CLUAP1: variants seen among roughly 807,000 people sequenced by gnomAD.
The protein encoded by CLUAP1 is intraflagellar transport 38, also known as clusterin-associated protein 1.
Under a neutral mutation model 55.0 loss-of-function variants are expected in CLUAP1, and 50 were observed. The observed-to-expected ratio is 0.91, with a 90% confidence interval of 0.72 to 1.15. The LOEUF (loss-of-function observed/expected upper bound fraction) is 1.15. Among genes scored for constraint, CLUAP1 ranks in the 50% most tolerant of loss-of-function variants. The probability of loss-of-function intolerance (pLI) is 0.00; values close to 1 mark genes in which losing one functional copy is unlikely to be tolerated. For synonymous variants in CLUAP1, 195 were observed against 175.4 expected (o/e 1.11, Z -0.88); for missense variants, 530 against 507.6 (o/e 1.04, Z -0.42).
At position 3,526,474 on chromosome 16, in the gene CLUAP1, C is replaced by T; in HGVS notation, c.918C>T (p.Leu306=). The part of the protein sequence containing the change: ...NKLKEEEKRL[L]KSGSNDDSDI... ...TCAAGGAGGAAGAGAAGCGCCTGCT[C>T]AAGAGTGGAAGTAAGGCTGGGCTTC... is the stretch of plus-strand genomic sequence containing the variant. Residue 306 remains leucine, a synonymous_variant, in exon 9 of 12, where the codon CTC becomes CTT. Transcript: ENST00000576634. 1 of 1,606,448 alleles carries T rather than the reference C, an allele frequency of 6.2e-7. No homozygotes were observed. Among genetic ancestry groups the T allele is most frequent in the Non-Finnish European group, 8.5e-7 (1 of 1,177,750 alleles).
In CLUAP1 at chr16:3,519,891, C is replaced by T. The variant is rs2037799955; in HGVS notation, c.580-12C>T. On this transcript the variant is annotated splice_polypyrimidine_tract_variant and intron_variant, in intron 6 of 11. Coordinates refer to ENST00000576634, the MANE Select transcript of CLUAP1 (RefSeq NM_015041.3). ...ATTGCCACCTTGTCTCATTATTTCCCATTAAATATAGACACAGGTTCAGAA... is the reference window on the plus strand; with the variant it reads ...ATTGCCACCTTGTCTCATTATTTCCTATTAAATATAGACACAGGTTCAGAA... 1.3e-6 allele frequency: 2 copies of T among 1,577,190 alleles called. No individual in the cohort carries two copies. Among genetic ancestry groups the T allele is most frequent in the Non-Finnish European group, 1.7e-6 (2 of 1,167,958 alleles).
the CLUAP1 span, chr16:3,495,555 C>T: frequency 6.7e-7 from 1 of 1,487,938 alleles, no homozygotes. Context: ...AGACTCCCAG[C>T]CTTCCTGGAC....
rs1157900944 is a variant in CLUAP1, at chr16:3,537,679, A to T, written c.*1408A>T. ...GTGAGACCCTGTCTTTAAAAAAAAGAAAAAGAAAAGCACGCTGCTTGTAAA... is the reference window on the plus strand; with the variant it reads ...GTGAGACCCTGTCTTTAAAAAAAAGTAAAAGAAAAGCACGCTGCTTGTAAA... On this transcript the variant is annotated 3_prime_UTR_variant, in exon 12 of 12. Transcript: ENST00000576634. 6.6e-6 allele frequency: 1 copy of T among 151,548 alleles called. No individual in the cohort carries two copies. Among genetic ancestry groups the T allele is most frequent in the East Asian group, 1.9e-4 (1 of 5,148 alleles). The allele number at this position is 151,548 out of a possible 1,614,324, so 9.4% of individuals were successfully genotyped here.
intron 11 of CLUAP1, chr16:3,534,772 T>C (rs989365728): frequency 1.3e-5 from 2 of 152,278 alleles, no homozygotes; most frequent in East Asian, 1.9e-4. Context: ...TGGGGCCGAC[T>C]TGACAAAGGG....
At chr16:3,500,413 A>G (rs1304844831), upstream of CLUAP1, among the ~76,000 whole-genome samples, 2 of 137,878 alleles carry the variant, frequency 1.5e-5, no homozygotes, top group Non-Finnish European at 3.0e-5. Context: ...CTCTGTCGCC[A>G]GGCCGAAGGG....
At chr16:3,510,821 G>C (rs1365318032) in intron 4 of CLUAP1, among the ~76,000 whole-genome samples, 2 of 152,258 alleles carry the variant, frequency 1.3e-5, no homozygotes, top group African/African-American at 2.4e-5. Flanking sequence ...TACTGAAGCA[G>C]AGAAGGTTCT....
rs1054815048 is a variant in CLUAP1, at chr16:3,538,142, A to G, written c.*1871A>G. The G allele has an allele frequency of 6.6e-6, 1 of 152,072 alleles. No individual in the cohort carries two copies. The highest frequency in any genetic ancestry group is 2.4e-5 in the African/African-American group (1 of 41,422). The allele number at this position is 152,072 out of a possible 1,614,324, so 9.4% of individuals were successfully genotyped here. A position where few individuals can be genotyped will look rare whatever the true frequency, so the allele number is the denominator to read the frequency against. ...TTTAACACCATACTTCATATTATTA[A>G]ATAGGTTTTACTTAAAAATATAATT... On this transcript the variant is annotated 3_prime_UTR_variant, in exon 12 of 12. Coordinates refer to ENST00000576634, the MANE Select transcript of CLUAP1 (RefSeq NM_015041.3).
intron 11 of CLUAP1, chr16:3,535,371 C>A (rs2038209956): frequency 6.6e-6 from 1 of 152,224 alleles, no homozygotes; most frequent in Non-Finnish European, 1.5e-5. Context: ...GGTGGGATTA[C>A]CTTTGGGGTT....
chr16:3,537,874 C>T lies in CLUAP1; in HGVS notation c.*1603C>T, dbSNP rs1215989849. The T allele has an allele frequency of 6.6e-6, 1 of 151,708 alleles. No individual in the cohort carries two copies. The highest frequency in any genetic ancestry group is 1.9e-4 in the East Asian group (1 of 5,170). The allele number at this position is 151,708 out of a possible 1,614,324, so 9.4% of individuals were successfully genotyped here. ...ATTAGCCGGGCGTGGTAGCGCATGC[C>T]TGTAACCCCAGCTACTGGGGAGGCT... On this transcript the variant is annotated 3_prime_UTR_variant, in exon 12 of 12. Transcript: ENST00000576634.
At chr16:3,513,610 C>G (rs141791421) in intron 5 of CLUAP1, among the ~76,000 whole-genome samples, 4 of 151,980 alleles carry the variant, frequency 2.6e-5, no homozygotes, top group African/African-American at 7.2e-5. Flanking sequence ...TCACCACACC[C>G]GGCTAATTTT....
intron 6 of CLUAP1, 81 bp downstream of exon 6, chr16:3,515,672 C>A: frequency 5.3e-6 from 5 of 936,380 alleles, no homozygotes; most frequent in Admixed American, 3.0e-5. Context: ...CAAGACAGAA[C>A]AAGCTAGGCT....
intron 6 of CLUAP1, among the ~76,000 whole-genome samples, chr16:3,518,063 T>C (rs2037762900): frequency 6.6e-6 from 1 of 152,144 alleles, no homozygotes; most frequent in Non-Finnish European, 1.5e-5. Flanking sequence ...TGTGGGGATG[T>C]AGGAGAAAGT....
chr16:3,523,027 A>G, intron 7 of CLUAP1, 131 bp from the exon 8 acceptor site: 1 of 619,576 alleles, frequency 1.6e-6, no homozygotes, highest in Non-Finnish European at 2.5e-6. Flanking sequence ...TTTAAGCATT[A>G]CAAGAATGAA....
chr16:3,511,369 G>A (rs1233892756), intron 4 of CLUAP1, among the ~76,000 whole-genome samples: 1 of 152,208 alleles, frequency 6.6e-6, no homozygotes, highest in Non-Finnish European at 1.5e-5. Flanking sequence ...AGAAGCCTGT[G>A]CACAGGGCTC....
At chr16:3,504,510 C>T (rs997157023) in intron 1 of CLUAP1, among the ~76,000 whole-genome samples, 12 of 152,208 alleles carry the variant, frequency 7.9e-5, no homozygotes, top group Non-Finnish European at 1.6e-4. Context: ...ATCTACTTCT[C>T]CCATTGAACT....
At position 3,537,284 on chromosome 16, in the gene CLUAP1, A is replaced by G. The variant is rs536524852; in HGVS notation, c.*1013A>G. On this transcript the variant is annotated 3_prime_UTR_variant, in exon 12 of 12. Transcript: ENST00000576634. ...AAAAACAACAACACAGGATTGAATT[A>G]AGTAGAGTAATAGCACTAGAAGAAT... The G allele has an allele frequency of 6.6e-6, 1 of 152,214 alleles. No individual in the cohort carries two copies. Among genetic ancestry groups the G allele is most frequent in the Non-Finnish European group, 1.5e-5 (1 of 68,042 alleles). The allele number at this position is 152,214 out of a possible 1,614,324, so 9.4% of individuals were successfully genotyped here.
intron 1 of CLUAP1, among the ~76,000 whole-genome samples, chr16:3,502,366 T>G (rs1308500251): frequency 6.6e-6 from 1 of 151,308 alleles, no homozygotes; most frequent in African/African-American, 2.4e-5. Flanking sequence ...ATTGCTTGAT[T>G]CCGGGAGGCA....
intron 4 of CLUAP1, among the ~76,000 whole-genome samples, chr16:3,509,348 C>T (rs2037573482): frequency 6.6e-6 from 1 of 152,202 alleles, no homozygotes; most frequent in African/African-American, 2.4e-5. Flanking sequence ...TGGGAAGCCC[C>T]TGGAAAGCCT....
At chr16:3,521,304 C>G (rs2037827699) in intron 7 of CLUAP1, among the ~76,000 whole-genome samples, 1 of 151,874 alleles carries the variant, frequency 6.6e-6, no homozygotes, top group Non-Finnish European at 1.5e-5. Flanking sequence ...TGCTCTAGTT[C>G]AAAAGATTAT....
Sources: allele counts gnomAD v4.1 joint callset (sites outside exome capture counted in the v4.1 genomes callset), GRCh38; gene constraint gnomAD v4.1.1; transcripts MANE v1.5; gene names NCBI Gene and HGNC (gene_info 2026-07-23, HGNC 2026-07-21).